The following MUC6 variants were observed in gnomAD, a reference collection of about 807,000 sequenced individuals.
MUC6 encodes mucin 6, oligomeric mucus/gel-forming (gene/pseudogene).
A neutral mutation model predicts 201.5 loss-of-function variants in MUC6; 188 were observed. The observed-to-expected ratio is 0.93, with a 90% CI of 0.83 to 1.05. The LOEUF is 1.05. Among genes scored for constraint, MUC6 ranks in the 50% least tolerant of loss-of-function variants. The probability of loss-of-function intolerance (pLI) is 0.00; values close to 1 mark genes in which losing one functional copy is unlikely to be tolerated. For synonymous variants in MUC6, 1,228 were observed against 1,389.4 expected (o/e 0.88, Z 2.58); for missense variants, 2,706 against 3,256.9 (o/e 0.83, Z 4.12).
At chr11:1,036,484 C>G (rs1404705196) in intron 1 of MUC6, 120 bp downstream of exon 1, 1 of 1,176,166 alleles carries the variant, frequency 8.5e-7, no homozygotes, top group Non-Finnish European at 1.2e-6. Context: ...GCTGGGGCCT[C>G]CCGTCCATCA....
chr11:1,026,570 C>G (rs1468484038), intron 19 of MUC6, 92 bp from the exon 20 acceptor site: 1 of 1,351,128 alleles, frequency 7.4e-7, no homozygotes, highest in Non-Finnish European at 9.8e-7. Flanking sequence ...CGGCGTGTCT[C>G]CCAGGTCCTC....
chr11:1,030,753 G>C lies in MUC6; in HGVS notation c.712C>G (p.Leu238Val). 1 of 1,540,046 alleles carries C rather than the reference G, an allele frequency of 6.5e-7. No individual in the cohort carries two copies. The highest frequency in any genetic ancestry group is 1.2e-5 in the South Asian group (1 of 84,064). The change falls in exon 7 of 33, where the codon CTG becomes GTG. Residue 238 changes from leucine to valine, a missense_variant. By Grantham distance (32) the Leu-to-Val change is conservative. Transcript: ENST00000421673. ...GACACGCTGCACTCAGGGGCCACCA[G>C]GGTCAGCAGCTGGGTGCAGATCCGG... ...HARICTQLLTLVAPECSVSKE... is the reference protein window; with the variant it reads ...HARICTQLLTVVAPECSVSKE...
At position 1,024,906 on chromosome 11, in the gene MUC6, A is replaced by C. The variant is rs534000460; in HGVS notation, c.3163T>G (p.Ser1055Ala). The C allele has an allele frequency of 6.2e-7, 1 of 1,612,760 alleles. No individual in the cohort carries two copies. The highest frequency in any genetic ancestry group is 1.3e-5 in the African/African-American group (1 of 75,058). ...DPCSLNAFRR[S>A]WAERKCSVIN... ...ACGCTGCACTTGCGCTCGGCCCAGG[A>C]GCGCCGGAAGGCATTGAGACTGCAG... The change falls in exon 24 of 33, where the codon TCC becomes GCC. Residue 1055 changes from serine (S) to alanine (A), a missense_variant. Ser to Ala is a moderately conservative substitution (Grantham distance 99). This residue lies in a region of MUC6 where 1,850 missense variants were observed against 1,958.3 expected (regional missense o/e 0.94). Coordinates refer to ENST00000421673, the MANE Select transcript of MUC6 (RefSeq NM_005961.3).
chr11:1,018,569 G>T lies in MUC6; in HGVS notation c.4232C>A (p.Thr1411Lys), dbSNP rs368570174. 1 of 1,612,438 alleles carries T rather than the reference G, an allele frequency of 6.2e-7. No homozygotes were observed. The highest frequency in any genetic ancestry group is 8.5e-7 in the Non-Finnish European group (1 of 1,179,070). ...TGTGGAAGGGACGGGACTCCCCGCC[G>T]TAGGCGGGGAGTGTGTGGTGTGTGG... Reference protein sequence around the residue: ...QTPHTTHSPPTAGSPVPSTGP... With the variant: ...QTPHTTHSPPKAGSPVPSTGP... The change falls in exon 31 of 33, where the codon ACG (threonine) becomes AAG (lysine). Residue 1411 changes from threonine (T) to lysine (K), a missense_variant. Transcript: ENST00000421673.
At position 1,020,688 on chromosome 11, in the gene MUC6, G is replaced by A. The variant is rs1167478999; in HGVS notation, c.3636C>T (p.Thr1212=). ...PQPPTTPQLP[T]TGSRPTQVWP... ...ACCTAGTGTGCGTGCAATTACCTGTGGTGGGCAGCTGCGGCGTGGTGGGTG... is the reference window on the plus strand; with the variant it reads ...ACCTAGTGTGCGTGCAATTACCTGTAGTGGGCAGCTGCGGCGTGGTGGGTG... Residue 1212 remains threonine (T), a synonymous_variant, in exon 28 of 33, where the codon ACC becomes ACT. Transcript: ENST00000421673. 4 of 1,613,558 alleles carry A rather than the reference G, an allele frequency of 2.5e-6. No individual in the cohort carries two copies. The highest frequency in any genetic ancestry group is 3.4e-6 in the Non-Finnish European group (4 of 1,179,866).
chr11:1,028,141 G>A (rs1441527675), intron 14 of MUC6, 82 bp from the exon 15 acceptor site: 12 of 1,534,518 alleles, frequency 7.8e-6, no homozygotes, highest in African/African-American at 1.4e-5. Context: ...CACCCTGGCA[G>A]CTGGGCCTGT....
At chr11:1,026,729 C>T (rs749973156) in intron 19 of MUC6, among the ~76,000 whole-genome samples, 1 of 152,252 alleles carries the variant, frequency 6.6e-6, no homozygotes, top group Non-Finnish European at 1.5e-5. Context: ...GCCCACCCTC[C>T]CCGAGCTGGT....
Position 1,031,196 on chromosome 11 carries a change from C to T in MUC6, c.547G>A (p.Val183Met). The T allele has an allele frequency of 2.0e-6, 3 of 1,523,444 alleles. No individual in the cohort carries two copies. Among genetic ancestry groups the T allele is most frequent in the South Asian group, 2.4e-5 (2 of 84,806 alleles). The allele number at this position is 1,523,444 out of a possible 1,614,324, so 94.4% of individuals were successfully genotyped here. A position where few individuals can be genotyped will look rare whatever the true frequency, so the allele number is the denominator to read the frequency against. Reference protein sequence around the residue: ...CGLCGNFDGKVTNEFVSEEGK... With the variant: ...CGLCGNFDGKMTNEFVSEEGK... ...TCCTCACTGACAAACTCGTTGGTCA[C>T]CTTCCCGTCAAAGTTCCCGCAGAGC... Residue 183 changes from valine (V) to methionine (M), a missense_variant, in exon 5 of 33, where the codon GTG (valine) becomes ATG (methionine). Coordinates refer to ENST00000421673, the MANE Select transcript of MUC6 (RefSeq NM_005961.3).
Position 1,027,465 on chromosome 11 carries a change from C to T in MUC6, c.2034G>A (p.Glu678=). 1 of 1,612,742 alleles carries T rather than the reference C, an allele frequency of 6.2e-7. No homozygotes were observed. The highest frequency in any genetic ancestry group is 1.1e-5 in the South Asian group (1 of 91,074). Residue 678 remains glutamate, a synonymous_variant, in exon 17 of 33, where the codon GAG becomes GAA. Transcript: ENST00000421673. ...GGTCCGACAGCGACAGGCAGGTGCG[C>T]TCACAGGCTTGGCTGTTGTAGCTGA... ...TTFSYNSQAC[E]RTCLSLSDRA... is the part of the protein sequence containing the mutation.
Position 1,029,237 on chromosome 11 carries a change from G to A in MUC6, c.1266C>T (p.Ile422=), listed in dbSNP as rs778935569. ...ACAGGGCTCGTCCTACCTGGAGGAG[G>A]ATGTAGGTGCAGGTGCCGTGGAAGC... The part of the protein sequence containing the change: ...PYRFHGTCTY[I]LLQSPQLPED... Residue 422 remains isoleucine, a synonymous_variant, in exon 10 of 33, where the codon ATC becomes ATT. Coordinates refer to ENST00000421673, the MANE Select transcript of MUC6 (RefSeq NM_005961.3). The A allele has an allele frequency of 8.7e-5, 140 of 1,607,712 alleles. No homozygotes were observed. Among genetic ancestry groups the A allele is most frequent in the Non-Finnish European group, 1.1e-4 (133 of 1,177,862 alleles).
chr11:1,036,102 C>T (rs918158129), intron 1 of MUC6, among the ~76,000 whole-genome samples: 1 of 152,080 alleles, frequency 6.6e-6, no homozygotes, highest in African/African-American at 2.4e-5. Context: ...GTACACCTTC[C>T]CCCCTCTTCC....
At position 1,026,923 on chromosome 11, in the gene MUC6, C is replaced by G; in HGVS notation, c.2394+18G>C. ...CTGGGGCCCGGGCATTGTCCCTGCT[C>G]CTCGCGCGCCCCCTTACGCAGGCAA... is the stretch of plus-strand genomic sequence containing the variant. On this transcript the variant is annotated intron_variant, in intron 19 of 32. Transcript: ENST00000421673. 6.5e-7 allele frequency: 1 copy of G among 1,548,988 alleles called. No individual in the cohort carries two copies. Among genetic ancestry groups the G allele is most frequent in the South Asian group, 1.2e-5 (1 of 84,530 alleles).
chr11:1,014,420 C>T (rs923303740), intron 31 of MUC6, among the ~76,000 whole-genome samples: 2 of 152,134 alleles, frequency 1.3e-5, no homozygotes, highest in African/African-American at 2.4e-5. Context: ...GACCCCAGAG[C>T]GGGACATATG....
In MUC6 at chr11:1,016,279, G is replaced by C. The variant is rs763387668; in HGVS notation, c.6522C>G (p.Thr2174=). 5 of 1,612,880 alleles carry C rather than the reference G, an allele frequency of 3.1e-6. No individual in the cohort carries two copies. In the African/African-American group the frequency reaches 4.0e-5, roughly 13 times the overall value. ...SFVSAPVHST[T]LSSGSHSSLS... ...ATGAGGAGTGTGACCCCGAGCTCAG[G>C]GTTGTGGAGTGCACGGGGGCGGACA... The change falls in exon 31 of 33, where the codon ACC becomes ACG. Residue 2174 remains threonine (T), a synonymous_variant. Coordinates refer to ENST00000421673, the MANE Select transcript of MUC6 (RefSeq NM_005961.3).
At chr11:1,029,714 G>T in intron 8 of MUC6, 99 bp from the exon 9 acceptor site, 1 of 1,445,620 alleles carries the variant, frequency 6.9e-7, no homozygotes, top group Non-Finnish European at 9.1e-7. Context: ...CTGGCTCCAG[G>T]GAGACGCCCC....
At chr11:1,020,808 G>A (rs1856789481) in intron 27 of MUC6, 74 bp from the exon 28 acceptor site, 4 of 1,560,064 alleles carry the variant, frequency 2.6e-6, no homozygotes, top group Non-Finnish European at 3.5e-6. Flanking sequence ...GGAGCTCCGA[G>A]GGCCTGAGTC....
At chr11:1,036,147 C>A (rs1432646359) in intron 1 of MUC6, among the ~76,000 whole-genome samples, 1 of 152,028 alleles carries the variant, frequency 6.6e-6, no homozygotes. Context: ...GGCAGCGTCC[C>A]CCACTTCTGT....
At position 1,018,701 on chromosome 11, in the gene MUC6, G is replaced by T; in HGVS notation, c.4100C>A (p.Ala1367Glu). ...TGGGGTGGTTGGGCCTGTGGTGCTT[G>T]CTGGGGTTGGACGTGGGCCTGTCGT... is the stretch of plus-strand genomic sequence containing the variant. The part of the protein sequence containing the change: ...TQTTGPRPTP[A>E]STTGPTTPQP... The change falls in exon 31 of 33, where the codon GCA (alanine) becomes GAA (glutamate). Residue 1367 changes from alanine to glutamate, a missense_variant. By Grantham distance (107) the Ala-to-Glu change is moderately radical. Around this residue, in one of 10 missense-constraint regions of MUC6, gnomAD observed 1,850 missense variants for 1,958.3 expected, o/e 0.94. Coordinates refer to ENST00000421673, the MANE Select transcript of MUC6 (RefSeq NM_005961.3). 3 of 1,608,300 alleles carry T rather than the reference G, an allele frequency of 1.9e-6. No individual in the cohort carries two copies. The highest frequency in any genetic ancestry group is 2.5e-6 in the Non-Finnish European group (3 of 1,177,630).
intron 1 of MUC6, among the ~76,000 whole-genome samples, chr11:1,034,286 C>G (rs889011480): frequency 1.3e-5 from 2 of 152,186 alleles, no homozygotes; most frequent in Admixed American, 6.5e-5. Context: ...GCCTTGAGAT[C>G]GTTTTCTGAT....
Sources: gnomAD v4.1 joint callset for allele counts (sites outside exome capture counted in the v4.1 genomes callset) on GRCh38, gnomAD v4.1.1 for gene constraint, gnomAD v4.1.1 regional missense constraint, MANE v1.5 for transcripts, NCBI Gene and HGNC (gene_info 2026-07-23, HGNC 2026-07-21) for gene names.